CA4: variants seen among roughly 807,000 people sequenced by gnomAD.
CA4 encodes the protein carbonic anhydrase 4.
In CA4, 24 loss-of-function variants were observed where a neutral mutation model predicts 34.5. The observed-to-expected ratio is 0.70, with a 90% CI of 0.50 to 0.98. The LOEUF is 0.98. Among genes scored for constraint, CA4 ranks in the 50% least tolerant of loss-of-function variants. CA4 has a pLI of 0.00. For synonymous variants in CA4, 178 were observed against 170.6 expected (o/e 1.04, Z -0.34); for missense variants, 394 against 396.7 (o/e 0.99, Z 0.06).
At chr17:60,172,224 G>A (rs1340980762), downstream of CA4, among the ~76,000 whole-genome samples, 2 of 152,234 alleles carry the variant, frequency 1.3e-5, no homozygotes, top group East Asian at 1.9e-4. Context: ...TATCCCCAAG[G>A]TCCTTGGACA....
In CA4 at chr17:60,159,545, A is replaced by C. The variant is rs973506549; in HGVS notation, c.*121A>C. 1 of 1,143,540 alleles carries C rather than the reference A, an allele frequency of 8.7e-7. No homozygotes were observed. The highest frequency in any genetic ancestry group is 1.3e-6 in the Non-Finnish European group (1 of 791,178). The allele number at this position is 1,143,540 out of a possible 1,614,324, so 70.8% of individuals were successfully genotyped here. A position where few individuals can be genotyped will look rare whatever the true frequency, so the allele number is the denominator to read the frequency against. On this transcript the variant is annotated 3_prime_UTR_variant, in exon 8 of 8. Transcript: ENST00000300900. Reference sequence around the variant, plus strand: ...TAAAATATGGACATATTTTTGGAGAAACCTTTCTCAAGTGTGTTTTTAGCC... The same window carrying C: ...TAAAATATGGACATATTTTTGGAGACACCTTTCTCAAGTGTGTTTTTAGCC...
chr17:60,155,584 G>A (rs1257421979), intron 2 of CA4, among the ~76,000 whole-genome samples: 11 of 142,788 alleles, frequency 7.7e-5, no homozygotes, highest in Non-Finnish European at 1.5e-4. Flanking sequence ...CACTCACACA[G>A]AAACACACAC....
downstream of CA4, among the ~76,000 whole-genome samples, chr17:60,160,439 G>A (rs1483269852): frequency 1.3e-5 from 2 of 152,164 alleles, no homozygotes; most frequent in Non-Finnish European, 2.9e-5. Context: ...CTAATAGATC[G>A]GGAGGCAGTG....
chr17:60,167,226 C>T (rs938644191), intron 5 of CA4, among the ~76,000 whole-genome samples: 10 of 152,170 alleles, frequency 6.6e-5, no homozygotes, highest in Non-Finnish European at 8.8e-5. Context: ...TCTACATGGA[C>T]GCTTACAGGG....
chr17:60,155,292 A>T (rs1195241458), intron 1 of CA4, 22 bp from the exon 2 acceptor site: 2 of 1,608,788 alleles, frequency 1.2e-6, no homozygotes, highest in African/African-American at 1.3e-5. Flanking sequence ...CGCACACTTC[A>T]CACCCTTCCT....
chr17:60,176,171 T>G, the CA4 span, among the ~76,000 whole-genome samples: 1 of 152,156 alleles, frequency 6.6e-6, no homozygotes, highest in African/African-American at 2.4e-5. Context: ...AACAGAGGAC[T>G]ATTAAACTCT....
chr17:60,161,863 CTA>C, downstream of CA4, among the ~76,000 whole-genome samples: 1 of 152,098 alleles, frequency 6.6e-6, no homozygotes, highest in Non-Finnish European at 1.5e-5. Context: ...TGCAGGGGAT[CTA>C]AGCTGCCCCC....
At position 60,170,203 on chromosome 17, in the gene CA4, A is replaced by G. The variant is rs188728519; in HGVS notation, c.*179-348A>G. Among the ~76,000 whole-genome samples, 108 of 152,304 alleles carry G rather than the reference A, an allele frequency of 7.1e-4. 4 individuals carry two copies. The East Asian group carries it at 0.016, about 23-fold the overall frequency. On this transcript the variant is annotated intron_variant and NMD_transcript_variant, in intron 5 of 5. Coordinates refer to the CA4 transcript ENST00000586876. ...AGACTCAATTGTTCTCTCCTTTCCCAGGAAAGGCCAGGAAGGAAAAGGCCC... is the reference window on the plus strand; with the variant it reads ...AGACTCAATTGTTCTCTCCTTTCCCGGGAAAGGCCAGGAAGGAAAAGGCCC...
Position 60,156,872 on chromosome 17 carries a change from G to A in CA4, c.268+157G>A, listed in dbSNP as rs1350065749. 7.0e-6 allele frequency: 5 copies of A among 719,258 alleles called. No individual in the cohort carries two copies. The African/African-American group carries it at 8.8e-5, about 13-fold the overall frequency. The allele number at this position is 719,258 out of a possible 1,614,324, so 44.6% of individuals were successfully genotyped here. A position where few individuals can be genotyped will look rare whatever the true frequency, so the allele number is the denominator to read the frequency against. On this transcript the variant is annotated intron_variant, in intron 3 of 7. Coordinates refer to ENST00000300900, the MANE Select transcript of CA4 (RefSeq NM_000717.5). The stretch of plus-strand genomic sequence containing the variant: ...GGGGAGGACAGCTTCCAGGAGGAGA[G>A]AGCACTCTAGTATGTTTTCGTTACT...
downstream of CA4, among the ~76,000 whole-genome samples, chr17:60,162,685 G>A (rs74350218): frequency 1.2e-4 from 18 of 152,208 alleles, no homozygotes; most frequent in African/African-American, 2.9e-4. Flanking sequence ...GTCACTGGCC[G>A]GCACTCAGCA....
At chr17:60,166,812 C>T (rs2083860393) in intron 5 of CA4, among the ~76,000 whole-genome samples, 1 of 152,176 alleles carries the variant, frequency 6.6e-6, no homozygotes, top group African/African-American at 2.4e-5. Flanking sequence ...CAAAGATTAG[C>T]TGGGCATGGT....
chr17:60,169,768 C>A (rs552198856), intron 5 of CA4, among the ~76,000 whole-genome samples: 5 of 152,212 alleles, frequency 3.3e-5, no homozygotes, highest in Non-Finnish European at 5.9e-5. Context: ...GGATTACAGG[C>A]GTGAGCCACT....
At chr17:60,173,145 AAAAC>A (rs370806539), downstream of CA4, among the ~76,000 whole-genome samples, 7,829 of 152,192 alleles carry the variant, frequency 0.051, 663 homozygotes, top group African/African-American at 0.17. Context: ...CTCCGTCTCA[AAAAC>A]AAACAAACAA....
chr17:60,171,688 GCAC>G (rs1289787636), downstream of CA4, among the ~76,000 whole-genome samples: 19 of 152,296 alleles, frequency 1.2e-4, no homozygotes, highest in African/African-American at 4.3e-4. Flanking sequence ...TGCCCAGGCA[GCAC>G]TACACCCCCC....
chr17:60,157,738 G>A lies in CA4; in HGVS notation c.463G>A (p.Glu155Lys), dbSNP rs1239434872. 6.2e-7 allele frequency: 1 copy of A among 1,614,166 alleles called. No individual in the cohort carries two copies. The highest frequency in any genetic ancestry group is 1.1e-5 in the South Asian group (1 of 91,086). Residue 155 changes from glutamate to lysine, a missense_variant, in exon 5 of 8, where the codon GAG becomes AAG. Glu to Lys is a moderately conservative substitution (Grantham distance 56, BLOSUM62 1). Coordinates refer to ENST00000300900, the MANE Select transcript of CA4 (RefSeq NM_000717.5). Reference sequence around the variant, plus strand: ...GAAGGGGACATCGAGGAATGTGAAAGAGGCCCAGGACCCTGAAGACGAAAT... The same window carrying A: ...GAAGGGGACATCGAGGAATGTGAAAAAGGCCCAGGACCCTGAAGACGAAAT... ...KEKGTSRNVK[E>K]AQDPEDEIAV...
At chr17:60,157,999 T>A (rs1201361039) in intron 5 of CA4, 62 bp from the exon 6 acceptor site, 2 of 1,597,614 alleles carry the variant, frequency 1.3e-6, no homozygotes, top group Non-Finnish European at 8.5e-7. Context: ...ATCGGGAGAA[T>A]GAACTGGCCA....
intron 5 of CA4, 134 bp downstream of exon 5, chr17:60,157,922 A>G: frequency 3.2e-6 from 5 of 1,544,294 alleles, no homozygotes; most frequent in Non-Finnish European, 4.4e-6. Flanking sequence ...CTGGGGTTGC[A>G]TGTCCCCGGG....
chr17:60,157,986 C>T (rs780864971), intron 5 of CA4, 75 bp from the exon 6 acceptor site: 1 of 1,585,120 alleles, frequency 6.3e-7, no homozygotes, highest in South Asian at 1.1e-5. Flanking sequence ...CTTCCGCCCC[C>T]AGATCGGGAG....
downstream of CA4, among the ~76,000 whole-genome samples, chr17:60,163,140 A>AGGGGTGGGGGAGGAAGGT (rs2083812136): frequency 1.0e-5 from 1 of 95,544 alleles, no homozygotes; most frequent in Non-Finnish European, 2.1e-5. Context: ...CTGACAATGT[A>AGGGGTGGGGGAGGAAGGT]GGGGTGGGGG....
Sources: gnomAD v4.1 joint callset for allele counts (sites outside exome capture counted in the v4.1 genomes callset) on GRCh38, gnomAD v4.1.1 for gene constraint, MANE v1.5 for transcripts, NCBI Gene and HGNC (gene_info 2026-07-23, HGNC 2026-07-21) for gene names.